The following PALLD variants were observed in gnomAD, a reference collection of about 807,000 sequenced individuals.
The protein encoded by PALLD is palladin, cytoskeletal associated protein.
In PALLD, 61 loss-of-function variants were observed where a neutral mutation model predicts 123.5. The ratio of observed to expected loss-of-function variants is 0.49; its 90% CI spans 0.40 to 0.61. The LOEUF (loss-of-function observed/expected upper bound fraction) is 0.61. Ranked by LOEUF, PALLD falls within the 20% of genes least tolerant of loss-of-function variation. The pLI, the probability that PALLD is intolerant of heterozygous loss-of-function variation, is 0.00. For missense variants in PALLD, 1,273 were observed against 1,377.0 expected, an observed-to-expected ratio of 0.92 and a Z score of 1.20; for synonymous variants, 465 against 496.4, an observed-to-expected ratio of 0.94 and a Z score of 0.84.
chr4:168,788,539 G>A (rs2150587494), intron 10 of PALLD, among the ~76,000 whole-genome samples: 2 of 152,310 alleles, frequency 1.3e-5, no homozygotes, highest in African/African-American at 4.8e-5. Flanking sequence ...GTGGTACTGT[G>A]ATGGGGGATC....
At chr4:168,644,998 A>T (rs543078156) in intron 2 of PALLD, among the ~76,000 whole-genome samples, 1 of 151,896 alleles carries the variant, frequency 6.6e-6, no homozygotes, top group East Asian at 1.9e-4. Flanking sequence ...CTACTCGGGA[A>T]GCTGAGGCAT....
intron 10 of PALLD, among the ~76,000 whole-genome samples, chr4:168,730,080 A>T (rs13122356): frequency 0.34 from 51,509 of 152,112 alleles, 9,150 homozygotes; most frequent in Non-Finnish European, 0.4. Flanking sequence ...ACTCATGTAT[A>T]TACATTCTGA....
chr4:168,872,799 T>C (rs1360967199), intron 10 of PALLD, among the ~76,000 whole-genome samples: 2 of 152,232 alleles, frequency 1.3e-5, no homozygotes, highest in African/African-American at 4.8e-5. Flanking sequence ...GCAGTGGACC[T>C]AGCTTCTGTG....
intron 2 of PALLD, among the ~76,000 whole-genome samples, chr4:168,557,857 A>C (rs966664378): frequency 2.6e-5 from 4 of 151,962 alleles, no homozygotes; most frequent in Admixed American, 6.5e-5. Flanking sequence ...TCCTGCTGTT[A>C]ATCTCTCCCT....
intron 10 of PALLD, among the ~76,000 whole-genome samples, chr4:168,873,632 T>C (rs1015367552): frequency 1.3e-5 from 2 of 152,264 alleles, no homozygotes; most frequent in Non-Finnish European, 2.9e-5. Flanking sequence ...AAGTGGTATG[T>C]AGTAATAATA....
At position 168,711,819 on chromosome 4, in the gene PALLD, T is replaced by C. The variant is rs1267023393; in HGVS notation, c.1860T>C (p.Asn620=). The part of the protein sequence containing the change: ...TNGVHPSRGV[N]GLINGKANSN... The stretch of plus-strand genomic sequence containing the variant: ...GAGTCCATCCCAGCCGTGGAGTAAA[T>C]GGACTGATTAACGGCAAAGCTAACA... The change falls in exon 10 of 22, where the codon AAT becomes AAC. Residue 620 remains asparagine (N), a synonymous_variant. Transcript: ENST00000505667. The C allele has an allele frequency of 3.6e-5, 58 of 1,613,956 alleles. No homozygotes were observed. Among genetic ancestry groups the C allele is most frequent in the Non-Finnish European group, 4.9e-5 (58 of 1,179,996 alleles).
chr4:168,614,883 A>C (rs1184135564), intron 2 of PALLD, among the ~76,000 whole-genome samples: 1 of 152,188 alleles, frequency 6.6e-6, no homozygotes, highest in Admixed American at 6.5e-5. Flanking sequence ...AGTTATTTGA[A>C]TATCCCAAGA....
chr4:168,542,168 T>C (rs751526278), intron 2 of PALLD, among the ~76,000 whole-genome samples: 2 of 152,174 alleles, frequency 1.3e-5, no homozygotes, highest in Non-Finnish European at 2.9e-5. Flanking sequence ...GGATAAGTAA[T>C]GTGTCAGTCA....
intron 10 of PALLD, among the ~76,000 whole-genome samples, chr4:168,772,709 A>C (rs1168210222): frequency 6.6e-6 from 1 of 152,192 alleles, no homozygotes; most frequent in Non-Finnish European, 1.5e-5. Context: ...AAAGCAAAAA[A>C]ACACGCATCC....
chr4:168,719,158 G>A (rs1028863981), intron 10 of PALLD, among the ~76,000 whole-genome samples: 33 of 149,844 alleles, frequency 2.2e-4, no homozygotes, highest in African/African-American at 8.1e-4. Flanking sequence ...CACCCGTCTT[G>A]TCCTCCCAAA....
intron 6 of PALLD, among the ~76,000 whole-genome samples, chr4:168,688,045 C>A (rs1255255508): frequency 6.6e-6 from 1 of 152,174 alleles, no homozygotes; most frequent in Non-Finnish European, 1.5e-5. Context: ...TTCCTTGATG[C>A]ATCTGCTTTT....
intron 3 of PALLD, among the ~76,000 whole-genome samples, chr4:168,677,589 A>T (rs1780987347): frequency 6.6e-6 from 1 of 152,012 alleles, no homozygotes; most frequent in African/African-American, 2.4e-5. Flanking sequence ...CTACCTTGAG[A>T]GTGTGTGTGA....
rs146529128 is a variant in PALLD at position 168,521,806 on chromosome 4, C to T, written c.908+9394C>T. On this transcript the variant is annotated intron_variant, in intron 2 of 21. Transcript: ENST00000505667. ...GAGTCCTAGATTTGTATCTCAGAGT[C>T]GGAATCATCACAAAGGCTGCCAGGA... 1.6e-3 allele frequency among the ~76,000 whole-genome samples: 237 copies of T among 152,282 alleles called. 1 individual carries two copies. Among genetic ancestry groups the T allele is most frequent in the African/African-American group, 5.7e-3 (235 of 41,568 alleles).
At chr4:168,832,030 G>C in intron 10 of PALLD, 1 of 985,446 alleles carries the variant, frequency 1.0e-6, no homozygotes, top group Non-Finnish European at 1.2e-6. Context: ...GCGGGTGAAG[G>C]CTCGGAGCCT....
chr4:168,568,481 GA>G (rs1009695726), intron 2 of PALLD, among the ~76,000 whole-genome samples: 15 of 151,592 alleles, frequency 9.9e-5, no homozygotes, highest in Admixed American at 9.2e-4. Context: ...AGTATAAATT[GA>G]AAAAAATAGG....
chr4:168,604,869 G>A, intron 2 of PALLD, among the ~76,000 whole-genome samples: 1 of 151,984 alleles, frequency 6.6e-6, no homozygotes, highest in Non-Finnish European at 1.5e-5. Context: ...TCAACTGATA[G>A]AGTTTTCTGT....
At chr4:168,921,060 C>CAAAGTTTAAAGCA (rs1420360471) in intron 17 of PALLD, among the ~76,000 whole-genome samples, 2 of 151,970 alleles carry the variant, frequency 1.3e-5, no homozygotes, top group African/African-American at 4.8e-5. Flanking sequence ...CTCAGGAAGC[C>CAAAGTTTAAAGCA]AAAGTTTAAA....
Position 168,681,540 on chromosome 4 carries a change from A to ATTTTTTTTTTTTTTTTTTT in PALLD, c.1154+147_1154+165dup, listed in dbSNP as rs34328020. 51 of 340,348 alleles carry ATTTTTTTTTTTTTTTTTTT rather than the reference A, an allele frequency of 1.5e-4. 1 individual carries two copies. The highest frequency in any genetic ancestry group is 7.9e-4 in the African/African-American group (25 of 31,684). 21.1% of individuals were successfully genotyped at this position (340,348 alleles called of 1,614,324 possible). A position where few individuals can be genotyped will look rare whatever the true frequency, so the allele number is the denominator to read the frequency against. ...GATCAAATACTGAGGTTGGAACACA[A>ATTTTTTTTTTTTTTTTTTT]TTTTTTTTTTTTTTTTTTTTTTTGA... On this transcript the variant is annotated intron_variant, in intron 4 of 21. Coordinates refer to ENST00000505667, the MANE Select transcript of PALLD (RefSeq NM_001166108.2).
intron 10 of PALLD, among the ~76,000 whole-genome samples, chr4:168,870,345 GA>G (rs1302854206): frequency 6.6e-6 from 1 of 152,034 alleles, no homozygotes; most frequent in Non-Finnish European, 1.5e-5. Context: ...TCTGTCTTAA[GA>G]AAAAAATGCA....
Sources: gnomAD v4.1 joint callset for allele counts (sites outside exome capture counted in the v4.1 genomes callset) on GRCh38, gnomAD v4.1.1 for gene constraint, MANE v1.5 for transcripts, NCBI Gene and HGNC (gene_info 2026-07-23, HGNC 2026-07-21) for gene names.